NRXN3: variants seen among roughly 807,000 people sequenced by gnomAD.
The protein encoded by NRXN3 is neurexin 3.
NRXN3 carries 32 observed loss-of-function variants against 137.6 expected under a neutral mutation model. The observed-to-expected ratio is 0.23, with a 90% CI of 0.18 to 0.31. NRXN3 has a LOEUF of 0.31. Among genes scored for constraint, NRXN3 ranks in the 10% least tolerant of loss-of-function variants. The pLI, the probability that NRXN3 is intolerant of heterozygous loss-of-function variation, is 1.00. For missense variants in NRXN3, 1,574 were observed against 2,062.5 expected, an observed-to-expected ratio of 0.76 and a Z score of 4.59; for synonymous variants, 798 against 784.5, an observed-to-expected ratio of 1.02 and a Z score of -0.29.
chr14:79,223,843 G>A (rs1464981736), intron 15 of NRXN3, among the ~76,000 whole-genome samples: 1 of 152,036 alleles, frequency 6.6e-6, no homozygotes, highest in Non-Finnish European at 1.5e-5. Flanking sequence ...ATAGAATTTT[G>A]AACTTTTTGT....
At chr14:79,467,507 A>G (rs1191598124) in intron 16 of NRXN3, 105 bp downstream of exon 16, 8 of 1,006,106 alleles carry the variant, frequency 8.0e-6, no homozygotes, top group East Asian at 2.7e-5. Context: ...GCAAAGGTGC[A>G]CATGCTTATA....
chr14:78,807,339 T>C (rs1342667062), intron 9 of NRXN3, among the ~76,000 whole-genome samples: 1 of 152,216 alleles, frequency 6.6e-6, no homozygotes, highest in African/African-American at 2.4e-5. Flanking sequence ...TCTGGAAATG[T>C]GGACTTGCTA....
intron 16 of NRXN3, among the ~76,000 whole-genome samples, chr14:79,601,758 C>T (rs762192549): frequency 6.6e-6 from 1 of 152,196 alleles, no homozygotes; most frequent in Non-Finnish European, 1.5e-5. Context: ...CATATGACTA[C>T]ATGGGCCATA....
intron 15 of NRXN3, among the ~76,000 whole-genome samples, chr14:79,339,331 A>G (rs1449693153): frequency 6.6e-6 from 1 of 152,208 alleles, no homozygotes; most frequent in Non-Finnish European, 1.5e-5. Flanking sequence ...ATGACTCTCA[A>G]CTTGAATGTA....
intron 16 of NRXN3, among the ~76,000 whole-genome samples, chr14:79,505,624 T>C (rs964130712): frequency 9.2e-5 from 14 of 152,222 alleles, no homozygotes; most frequent in Non-Finnish European, 1.9e-4. Context: ...AGATGTCTAA[T>C]ATATATTACC....
At chr14:78,383,004 C>T (rs2089394454) in intron 4 of NRXN3, among the ~76,000 whole-genome samples, 1 of 152,150 alleles carries the variant, frequency 6.6e-6, no homozygotes, top group Admixed American at 6.5e-5. Context: ...ACTGCTTATT[C>T]TGGGCCAAGA....
chr14:78,509,065 C>T (rs1291140561), intron 4 of NRXN3, among the ~76,000 whole-genome samples: 6 of 151,966 alleles, frequency 3.9e-5, no homozygotes, highest in South Asian at 2.1e-4. Flanking sequence ...TTTGGGAGGC[C>T]GAGGAGGGCA....
At chr14:78,795,775 A>G (rs1217588804) in intron 8 of NRXN3, among the ~76,000 whole-genome samples, 1 of 152,234 alleles carries the variant, frequency 6.6e-6, no homozygotes, top group Admixed American at 6.5e-5. Flanking sequence ...TTAGCTGGTG[A>G]AAATTATTAA....
At chr14:79,680,211 G>T (rs2098662730) in intron 17 of NRXN3, among the ~76,000 whole-genome samples, 1 of 152,084 alleles carries the variant, frequency 6.6e-6, no homozygotes, top group East Asian at 1.9e-4. Context: ...AACCAATGTT[G>T]CAGGCTGGGC....
At chr14:78,592,789 C>T (rs1012741484) in intron 4 of NRXN3, among the ~76,000 whole-genome samples, 6 of 152,154 alleles carry the variant, frequency 3.9e-5, no homozygotes, top group East Asian at 1.9e-4. Context: ...GGGTATTGTG[C>T]GTGACAACTG....
chr14:79,277,853 A>G (rs775913562), intron 15 of NRXN3, among the ~76,000 whole-genome samples: 5 of 152,156 alleles, frequency 3.3e-5, no homozygotes, highest in African/African-American at 7.2e-5. Flanking sequence ...AGTTAGGGTG[A>G]CTGTGTGCAT....
intron 15 of NRXN3, among the ~76,000 whole-genome samples, chr14:79,250,277 A>T (rs1029342462): frequency 1.1e-4 from 17 of 152,196 alleles, no homozygotes; most frequent in Admixed American, 4.6e-4. Flanking sequence ...TGTGAAGGAG[A>T]GAAATATGAT....
chr14:79,007,053 T>C (rs1388664595), intron 15 of NRXN3, among the ~76,000 whole-genome samples: 1 of 152,178 alleles, frequency 6.6e-6, no homozygotes, highest in East Asian at 1.9e-4. Context: ...TTCTGAATGT[T>C]TAGAGTGTGT....
chr14:78,215,312 T>C (rs1166975141), intron 1 of NRXN3, among the ~76,000 whole-genome samples: 1 of 152,122 alleles, frequency 6.6e-6, no homozygotes. Flanking sequence ...ACCTGTGGGA[T>C]GGACCAGTGT....
At chr14:78,923,421 CCTT>C (rs2099276488) in intron 10 of NRXN3, among the ~76,000 whole-genome samples, 1 of 152,170 alleles carries the variant, frequency 6.6e-6, no homozygotes, top group Admixed American at 6.6e-5. Flanking sequence ...TGGCAAACTA[CCTT>C]CTTATCTTCT....
intron 16 of NRXN3, among the ~76,000 whole-genome samples, chr14:79,486,947 CTCTCTCTCTCTCTCCCACACACA>C (rs2096662052): frequency 6.6e-6 from 1 of 150,738 alleles, no homozygotes; most frequent in African/African-American, 2.4e-5. Context: ...CTCTCTCTCT[CTCTCTCTCTCTCTCCCACACACA>C]CACACCCCAA....
chr14:79,738,853 C>A (rs1416850127), intron 19 of NRXN3, among the ~76,000 whole-genome samples: 1 of 152,140 alleles, frequency 6.6e-6, no homozygotes, highest in Non-Finnish European at 1.5e-5. Flanking sequence ...GCCACTGCGC[C>A]CAGCCAAATG....
chr14:78,385,661 C>T (rs2089865866), intron 4 of NRXN3, among the ~76,000 whole-genome samples: 1 of 152,170 alleles, frequency 6.6e-6, no homozygotes, highest in African/African-American at 2.4e-5. Flanking sequence ...GGAAAGGATT[C>T]ACTATTTTGG....
intron 19 of NRXN3, among the ~76,000 whole-genome samples, chr14:79,774,036 A>G (rs1468424102): frequency 6.6e-6 from 1 of 152,258 alleles, no homozygotes; most frequent in East Asian, 1.9e-4. Context: ...ATACAAAAGA[A>G]CCCTAGTAGA....
Sources: gnomAD v4.1 joint callset for allele counts (sites outside exome capture counted in the v4.1 genomes callset) on GRCh38, gnomAD v4.1.1 for gene constraint, MANE v1.5 for transcripts, NCBI Gene and HGNC (gene_info 2026-07-23, HGNC 2026-07-21) for gene names.